The following VPS13A variants were observed in gnomAD, a reference collection of about 807,000 sequenced individuals.
VPS13A encodes the protein intermembrane lipid transfer protein VPS13A.
In VPS13A, 264 loss-of-function variants were observed where a neutral mutation model predicts 390.9. That is an observed-to-expected ratio of 0.68 (90% CI 0.61 to 0.75). The LOEUF (loss-of-function observed/expected upper bound fraction) is 0.75, where lower values mean the gene tolerates loss of function less well. VPS13A is among the 30% of genes least tolerant of loss of function. VPS13A has a pLI of 0.00. For missense variants in VPS13A, 3,409 were observed against 3,733.9 expected (o/e 0.91, Z 2.27); for synonymous variants, 1,231 against 1,227.1 (o/e 1.00, Z -0.07).
chr9:77,185,629 C>T (rs1824284458), intron 1 of VPS13A, among the ~76,000 whole-genome samples: 1 of 152,118 alleles, frequency 6.6e-6, no homozygotes, highest in African/African-American at 2.4e-5. Context: ...ATATTTATAG[C>T]TGTTTTCTGT....
intron 23 of VPS13A, among the ~76,000 whole-genome samples, chr9:77,264,326 G>A (rs1480137136): frequency 6.6e-6 from 1 of 152,038 alleles, no homozygotes; most frequent in East Asian, 1.9e-4. Flanking sequence ...TTTGAATTCT[G>A]TGAAGAAAGT....
chr9:77,331,542 C>T (rs749899417), intron 45 of VPS13A, among the ~76,000 whole-genome samples: 58 of 151,742 alleles, frequency 3.8e-4, no homozygotes, highest in Non-Finnish European at 6.8e-4. Flanking sequence ...TCCTGTTTTC[C>T]TCTTGATTGC....
chr9:77,332,261 A>T (rs1053831472), intron 46 of VPS13A, 148 bp downstream of exon 46: 1 of 627,772 alleles, frequency 1.6e-6, no homozygotes, highest in Non-Finnish European at 2.9e-6. Context: ...CTTAAAAAAG[A>T]AGTATTATTT....
chr9:77,369,582 C>T (rs1041887801), intron 63 of VPS13A, among the ~76,000 whole-genome samples, 170 bp downstream of exon 63: 9 of 152,096 alleles, frequency 5.9e-5, no homozygotes, highest in African/African-American at 2.2e-4. Context: ...ACATTTTTAC[C>T]CTTTTCCTCA....
chr9:77,251,695 T>C (rs1825153902), intron 21 of VPS13A, among the ~76,000 whole-genome samples: 1 of 152,196 alleles, frequency 6.6e-6, no homozygotes, highest in African/African-American at 2.4e-5. Flanking sequence ...GGCTATGGTC[T>C]CAGTTATTTA....
rs749808657 is a variant in VPS13A at position 77,318,620 on chromosome 9, G to A, written c.5313+29G>A. Reference sequence around the variant, plus strand: ...AGCATATTTTTCCAGTTTTATAACAGATAATGATACGTATGGAATATTATG... The same window carrying A: ...AGCATATTTTTCCAGTTTTATAACAAATAATGATACGTATGGAATATTATG... On this transcript the variant is annotated intron_variant, in intron 41 of 71. Coordinates refer to ENST00000360280, the MANE Select transcript of VPS13A (RefSeq NM_033305.3). The A allele has an allele frequency of 5.4e-6, 8 of 1,487,812 alleles. No individual in the cohort carries two copies. In the South Asian group the frequency reaches 7.9e-5, roughly 15 times the overall value. 92.2% of individuals were successfully genotyped at this position (1,487,812 alleles called of 1,614,324 possible). A position where few individuals can be genotyped will look rare whatever the true frequency, so the allele number is the denominator to read the frequency against.
chr9:77,368,733 A>G (rs769542547), intron 62 of VPS13A, among the ~76,000 whole-genome samples: 1 of 152,224 alleles, frequency 6.6e-6, no homozygotes, highest in Non-Finnish European at 1.5e-5. Context: ...GTGGTCACAG[A>G]TAATTGTAAA....
intron 68 of VPS13A, among the ~76,000 whole-genome samples, chr9:77,397,408 GAAC>G (rs1179668398): frequency 6.6e-6 from 1 of 151,898 alleles, no homozygotes; most frequent in East Asian, 1.9e-4. Flanking sequence ...TTGTTTTGCC[GAAC>G]AACATGTTCT....
intron 67 of VPS13A, among the ~76,000 whole-genome samples, chr9:77,380,022 GCTT>G (rs1587694424): frequency 1.3e-5 from 2 of 151,748 alleles, no homozygotes; most frequent in African/African-American, 4.8e-5. Context: ...TGTATTTGGG[GCTT>G]CTTTTATTAG....
chr9:77,262,604 C>T (rs1292347962), intron 23 of VPS13A, among the ~76,000 whole-genome samples: 1 of 152,022 alleles, frequency 6.6e-6, no homozygotes, highest in African/African-American at 2.4e-5. Context: ...CCTCGACAGG[C>T]CCCAGTGTGT....
rs1299678014 is a variant in VPS13A at position 77,276,199 on chromosome 9, C to T, written c.2802C>T (p.Cys934=). 6.2e-7 allele frequency: 1 copy of T among 1,608,302 alleles called. No individual in the cohort carries two copies. Among genetic ancestry groups the T allele is most frequent in the Admixed American group, 1.7e-5 (1 of 59,856 alleles). ...CAAATGCCTTTTTGAAAGAGTTCTG[C>T]TTAAAATGCCCAGAATACTTGGGTA... is the stretch of plus-strand genomic sequence containing the variant. ...LKANAFLKEF[C]LKCPEYLDEN... is the part of the protein sequence containing the mutation. Residue 934 remains cysteine, a synonymous_variant, in exon 26 of 72, where the codon TGC becomes TGT. Transcript: ENST00000360280.
chr9:77,366,746 T>A lies in VPS13A; in HGVS notation c.8345T>A (p.Leu2782Gln). The change falls in exon 61 of 72, where the codon CTG (leucine) becomes CAG (glutamine). Residue 2782 changes from leucine (L) to glutamine (Q), a missense_variant. By Grantham distance (113) the Leu-to-Gln change is moderately radical (BLOSUM62 -2). This residue lies in a region of VPS13A where 123 missense variants were observed against 118.7 expected (regional missense o/e 1.04). Transcript: ENST00000360280. ...TTTTAGTTACATTTAAGTGTTTCAC[T>A]GAGTTCCGGCAGAGAAGAAGCTAAA... ...SPIKLHLSVS[L>Q]SSGREEAKDS... is the part of the protein sequence containing the mutation. The A allele has an allele frequency of 6.2e-7, 1 of 1,612,770 alleles. No individual in the cohort carries two copies. The highest frequency in any genetic ancestry group is 8.5e-7 in the Non-Finnish European group (1 of 1,179,114).
Position 77,337,547 on chromosome 9 carries a change from A to C in VPS13A, c.6378+10A>C. 2 of 1,607,772 alleles carry C rather than the reference A, an allele frequency of 1.2e-6. No individual in the cohort carries two copies. Among genetic ancestry groups the C allele is most frequent in the South Asian group, 2.2e-5 (2 of 89,298 alleles). Reference sequence around the variant, plus strand: ...TGCTTATTATATAGAGGTATCGGCAAACTGATTTAGTGCCTTCCTGTTTTT... The same window carrying C: ...TGCTTATTATATAGAGGTATCGGCACACTGATTTAGTGCCTTCCTGTTTTT... On this transcript the variant is annotated intron_variant, in intron 47 of 71. Coordinates refer to ENST00000360280, the MANE Select transcript of VPS13A (RefSeq NM_033305.3).
At chr9:77,207,468 G>A (rs1051518706) in intron 5 of VPS13A, among the ~76,000 whole-genome samples, 1 of 149,598 alleles carries the variant, frequency 6.7e-6, no homozygotes, top group African/African-American at 2.5e-5. Flanking sequence ...TCTCTATATA[G>A]TTCTGTCACA....
intron 17 of VPS13A, among the ~76,000 whole-genome samples, chr9:77,236,937 G>A (rs186380322): frequency 6.6e-6 from 1 of 152,150 alleles, no homozygotes; most frequent in African/African-American, 2.4e-5. Context: ...CCACTCTGTC[G>A]CCAGGCTGGA....
Position 77,238,033 on chromosome 9 carries a change from A to C in VPS13A, c.1627A>C (p.Thr543Pro). The C allele has an allele frequency of 6.2e-7, 1 of 1,612,476 alleles. No individual in the cohort carries two copies. The highest frequency in any genetic ancestry group is 8.5e-7 in the Non-Finnish European group (1 of 1,179,088). The part of the protein sequence containing the change: ...FETKIDSFHI[T>P]GLPDNSEKPR... The stretch of plus-strand genomic sequence containing the variant: ...AACTAAAATAGATTCATTTCATATT[A>C]CTGGCTTACCAGATAATTCAGAAAA... The change falls in exon 18 of 72, where the codon ACT becomes CCT. Residue 543 changes from threonine (T) to proline (P), a missense_variant. Transcript: ENST00000360280.
chr9:77,261,810 C>G (rs1233171703), intron 23 of VPS13A, among the ~76,000 whole-genome samples: 6 of 152,120 alleles, frequency 3.9e-5, no homozygotes, highest in Non-Finnish European at 8.8e-5. Context: ...GTCTTAAAAT[C>G]CTGACCTCAA....
intron 51 of VPS13A, 121 bp from the exon 52 acceptor site, chr9:77,344,888 G>C (rs1332301973): frequency 3.7e-6 from 4 of 1,092,008 alleles, no homozygotes; most frequent in Non-Finnish European, 4.0e-6. Context: ...ATTCTGAATT[G>C]TTTTCTCAGT....
At chr9:77,237,352 T>C (rs1464304901) in intron 17 of VPS13A, among the ~76,000 whole-genome samples, 3 of 152,118 alleles carry the variant, frequency 2.0e-5, no homozygotes, top group Non-Finnish European at 2.9e-5. Context: ...TCCTTGGTTT[T>C]TAAATGTTTA....
Sources: gnomAD v4.1 joint callset for allele counts (sites outside exome capture counted in the v4.1 genomes callset) on GRCh38, gnomAD v4.1.1 for gene constraint, gnomAD v4.1.1 regional missense constraint, MANE v1.5 for transcripts, NCBI Gene and HGNC (gene_info 2026-07-23, HGNC 2026-07-21) for gene names.